The following DCT variants were observed in gnomAD, a reference collection of about 807,000 sequenced individuals.
DCT encodes L-dopachrome tautomerase.
In DCT, 47 loss-of-function variants were observed where a neutral mutation model predicts 53.0. The observed-to-expected ratio is 0.89, with a 90% CI of 0.70 to 1.13. DCT has a LOEUF of 1.13. Among genes scored for constraint, DCT ranks in the 50% most tolerant of loss-of-function variants. The probability of loss-of-function intolerance (pLI) is 0.00; values close to 1 mark genes in which losing one functional copy is unlikely to be tolerated. For missense variants in DCT, 669 were observed against 637.4 expected (o/e 1.05, Z -0.53); for synonymous variants, 244 against 237.0 (o/e 1.03, Z -0.27).
the DCT span, among the ~76,000 whole-genome samples, chr13:94,535,139 T>C: frequency 1.3e-5 from 2 of 152,232 alleles, no homozygotes; most frequent in African/African-American, 4.8e-5. Flanking sequence ...CTGGCCTTAC[T>C]TGAGAAATTT....
chr13:94,537,210 T>C, the DCT span, among the ~76,000 whole-genome samples: 221 of 152,364 alleles, frequency 1.5e-3, no homozygotes, highest in Middle Eastern at 3.4e-3. Flanking sequence ...GTTAGTTTCT[T>C]TAAATTTCTC....
the DCT span, among the ~76,000 whole-genome samples, chr13:94,525,899 T>C: frequency 7.2e-5 from 11 of 152,236 alleles, no homozygotes; most frequent in East Asian, 1.9e-4. Context: ...TTCTGCTAGA[T>C]GACCACACAA....
chr13:94,465,968 T>TATATA (rs1884168688), intron 3 of DCT, among the ~76,000 whole-genome samples, 169 bp from the exon 4 acceptor site: 2 of 77,832 alleles, frequency 2.6e-5, no homozygotes, highest in African/African-American at 1.1e-4. Flanking sequence ...TGTGTATATT[T>TATATA]TATATATATA....
chr13:94,444,460 C>T, intron 6 of DCT: 1 of 497,116 alleles, frequency 2.0e-6, no homozygotes. Context: ...GTACAAAGTG[C>T]TCATTTATGT....
At chr13:94,495,948 G>T in the DCT span, among the ~76,000 whole-genome samples, 100 of 152,190 alleles carry the variant, frequency 6.6e-4, no homozygotes, top group Non-Finnish European at 1.3e-3. Flanking sequence ...TTGCATAGAA[G>T]TCTATAGAGC....
chr13:94,468,647 C>T (rs936494882), intron 2 of DCT, 99 bp downstream of exon 2: 2 of 1,054,358 alleles, frequency 1.9e-6, no homozygotes, highest in Admixed American at 2.2e-5. Context: ...CTTGTGGTTG[C>T]TCTCTTAATT....
intron 6 of DCT, among the ~76,000 whole-genome samples, chr13:94,446,352 G>T (rs2139285609): frequency 6.6e-6 from 1 of 152,314 alleles, no homozygotes; most frequent in African/African-American, 2.4e-5. Context: ...GAAGAAGAAT[G>T]ATGGAATTCG....
the DCT span, among the ~76,000 whole-genome samples, chr13:94,487,771 C>A: frequency 2.6e-5 from 4 of 152,098 alleles, no homozygotes; most frequent in African/African-American, 9.7e-5. Context: ...TTCTTTGCTG[C>A]CTCATCATGG....
intron 1 of DCT, among the ~76,000 whole-genome samples, chr13:94,475,500 G>C (rs1205924458): frequency 6.6e-6 from 1 of 152,160 alleles, no homozygotes; most frequent in African/African-American, 2.4e-5. Context: ...AGAAGTACAC[G>C]ACGGAATTGT....
Position 94,462,081 on chromosome 13 carries a change from G to A in DCT, c.972C>T (p.Asp324=), listed in dbSNP as rs768747820. The change falls in exon 5 of 8, where the codon GAC becomes GAT. Residue 324 remains aspartate, a synonymous_variant. Coordinates refer to ENST00000377028, the MANE Select transcript of DCT (RefSeq NM_001922.5). The part of the protein sequence containing the change: ...RNSMKLPTLK[D]IRDCLSLQKF... ...TCTGGAGAGACAGGCAATCTCGTAT[G>A]TCTTTTAAGGTTGGCAATTTCATGC... 18 of 1,612,900 alleles carry A rather than the reference G, an allele frequency of 1.1e-5. No homozygotes were observed. Among genetic ancestry groups the A allele is most frequent in the African/African-American group, 1.3e-5 (1 of 74,612 alleles).
rs548174610 is a variant in DCT, at chr13:94,449,906, C to G, written c.1180-6269G>C. Among the ~76,000 whole-genome samples the G allele has an allele frequency of 2.0e-5, 3 of 152,258 alleles. No individual in the cohort carries two copies. The South Asian group carries it at 6.2e-4, about 32-fold the overall frequency. ...CTGCCACAAGGAGGTGGGTACTACA[C>G]AGAGAGAATATTTCAGTGACTGATG... On this transcript the variant is annotated intron_variant, in intron 6 of 7. Coordinates refer to ENST00000377028, the MANE Select transcript of DCT (RefSeq NM_001922.5).
At chr13:94,532,928 A>G in the DCT span, among the ~76,000 whole-genome samples, 11 of 152,244 alleles carry the variant, frequency 7.2e-5, no homozygotes, top group Non-Finnish European at 1.5e-4. Flanking sequence ...TAAAAGTAAG[A>G]CAATAAAAAT....
At position 94,479,425 on chromosome 13, in the gene DCT, T is replaced by C. The variant is rs1372873167; in HGVS notation, c.-170A>G. The C allele has an allele frequency of 2.2e-5, 14 of 623,962 alleles. No homozygotes were observed. In the Admixed American group the frequency reaches 4.2e-4, roughly 19 times the overall value. 38.7% of individuals were successfully genotyped at this position (623,962 alleles called of 1,614,324 possible). A position where few individuals can be genotyped will look rare whatever the true frequency, so the allele number is the denominator to read the frequency against. On this transcript the variant is annotated 5_prime_UTR_variant, in exon 1 of 8. The change abolishes an upstream ATG in the 5' untranslated region. Transcript: ENST00000377028. ...ACCCACAAGAATCACAGAGGTTACA[T>C]GTGTGCACATGTGTACATGAACGTG...
At chr13:94,471,341 A>G (rs1489795651) in intron 1 of DCT, among the ~76,000 whole-genome samples, 9 of 152,130 alleles carry the variant, frequency 5.9e-5, no homozygotes, top group Non-Finnish European at 1.2e-4. Context: ...ACGTAGCTCA[A>G]TTATCTGTAT....
chr13:94,452,547 A>G (rs1883164476), intron 6 of DCT: 1 of 734,316 alleles, frequency 1.4e-6, no homozygotes, highest in Non-Finnish European at 2.5e-6. Flanking sequence ...TGTAACATTT[A>G]TCAAATTTCA....
chr13:94,466,414 G>A, intron 3 of DCT, 144 bp downstream of exon 3: 1 of 537,930 alleles, frequency 1.9e-6, no homozygotes, highest in Non-Finnish European at 3.3e-6. Flanking sequence ...GTGATGCTGA[G>A]TATGTTAATT....
the DCT span, among the ~76,000 whole-genome samples, chr13:94,529,477 T>C: frequency 6.6e-6 from 1 of 152,170 alleles, no homozygotes; most frequent in African/African-American, 2.4e-5. Context: ...GAACTGAGGA[T>C]TAATAAACTC....
At chr13:94,540,307 C>T in the DCT span, among the ~76,000 whole-genome samples, 2 of 152,196 alleles carry the variant, frequency 1.3e-5, no homozygotes, top group Admixed American at 6.5e-5. Flanking sequence ...CCTTTGGTCA[C>T]ATTGTCCAAG....
At chr13:94,487,406 A>G in the DCT span, among the ~76,000 whole-genome samples, 9 of 152,374 alleles carry the variant, frequency 5.9e-5, no homozygotes, top group South Asian at 4.1e-4. Flanking sequence ...CAACTTGCAC[A>G]TAAGAAGGAC....
Sources: gnomAD v4.1 joint callset for allele counts (sites outside exome capture counted in the v4.1 genomes callset) on GRCh38, gnomAD v4.1.1 for gene constraint, MANE v1.5 for transcripts, NCBI Gene and HGNC (gene_info 2026-07-23, HGNC 2026-07-21) for gene names.